Variants in RANBP2 observed in about 807,000 individuals in gnomAD.
The protein encoded by RANBP2 is RAN binding protein 2, also known as E3 SUMO-protein ligase RanBP2.
In RANBP2, 57 loss-of-function variants were observed where a neutral mutation model predicts 303.6. That is an observed-to-expected ratio of 0.19 (90% CI 0.15 to 0.23). The LOEUF (loss-of-function observed/expected upper bound fraction) is 0.23, where lower values mean the gene tolerates loss of function less well. RANBP2 is among the 10% of genes least tolerant of loss of function. The pLI is 1.00. For missense variants in RANBP2, 3,138 were observed against 3,780.8 expected, an observed-to-expected ratio of 0.83 and a Z score of 4.46; for synonymous variants, 1,167 against 1,301.5, an observed-to-expected ratio of 0.90 and a Z score of 2.23.
At chr2:109,614,572 G>C in the RANBP2 span, 1 of 1,376,048 alleles carries the variant, frequency 7.3e-7, no homozygotes, top group Non-Finnish European at 9.4e-7. Flanking sequence ...CGCGGGGGCC[G>C]GGCCCTGCAC....
At chr2:109,330,234 G>A in the RANBP2 span, among the ~76,000 whole-genome samples, 1 of 152,174 alleles carries the variant, frequency 6.6e-6, no homozygotes, top group African/African-American at 2.4e-5. Flanking sequence ...CCAACTCTGT[G>A]GGTTGCAGAA....
chr2:109,733,279 AAATC>A, the RANBP2 span: 1 of 290,704 alleles, frequency 3.4e-6, no homozygotes, highest in South Asian at 3.6e-5. Context: ...CAACAGAAGA[AAATC>A]AATCAATGTA....
the RANBP2 span, among the ~76,000 whole-genome samples, chr2:109,208,552 A>G: frequency 6.6e-6 from 1 of 152,200 alleles, no homozygotes; most frequent in African/African-American, 2.4e-5. Context: ...ACCAGCACCA[A>G]CCGACCCACC....
chr2:108,847,812 G>C, the RANBP2 span, among the ~76,000 whole-genome samples: 1 of 152,046 alleles, frequency 6.6e-6, no homozygotes, highest in African/African-American at 2.4e-5. Context: ...ACTCCCGATG[G>C]TATGGAATTG....
the RANBP2 span, among the ~76,000 whole-genome samples, chr2:109,155,419 C>T: frequency 1.2e-4 from 18 of 152,162 alleles, no homozygotes; most frequent in Non-Finnish European, 2.2e-4. Context: ...TCTCCTGCCT[C>T]GGCCTCCCGA....
chr2:109,368,356 T>C, the RANBP2 span, among the ~76,000 whole-genome samples: 1 of 152,228 alleles, frequency 6.6e-6, no homozygotes, highest in African/African-American at 2.4e-5. Flanking sequence ...TAAACATCTA[T>C]TCATATTTTC....
chr2:109,367,553 A>G, the RANBP2 span, among the ~76,000 whole-genome samples: 1 of 152,194 alleles, frequency 6.6e-6, no homozygotes, highest in African/African-American at 2.4e-5. Flanking sequence ...AAGTGCTGGG[A>G]TTACAGGCAT....
chr2:109,680,909 T>C, the RANBP2 span, among the ~76,000 whole-genome samples: 3 of 152,220 alleles, frequency 2.0e-5, no homozygotes, highest in Admixed American at 6.5e-5. Flanking sequence ...GTCAAACTTG[T>C]TGACATTATC....
the RANBP2 span, among the ~76,000 whole-genome samples, chr2:109,628,550 T>C: frequency 6.6e-6 from 1 of 150,518 alleles, no homozygotes; most frequent in South Asian, 2.1e-4. Context: ...AGATTCCCAC[T>C]ATTCCCAGTA....
chr2:109,130,571 G>T, the RANBP2 span, among the ~76,000 whole-genome samples: 1 of 152,114 alleles, frequency 6.6e-6, no homozygotes, highest in Non-Finnish European at 1.5e-5. Context: ...CTGCGGTGTG[G>T]CTAAGGAGGG....
At chr2:109,331,962 C>T in the RANBP2 span, among the ~76,000 whole-genome samples, 2 of 152,178 alleles carry the variant, frequency 1.3e-5, no homozygotes. Context: ...GATGGGTCTT[C>T]CTGGTGCTGT....
At chr2:109,385,163 C>G in the RANBP2 span, among the ~76,000 whole-genome samples, 2 of 152,246 alleles carry the variant, frequency 1.3e-5, no homozygotes, top group East Asian at 1.9e-4. Flanking sequence ...CTCTGGCTCT[C>G]TCTGTCACTC....
At chr2:109,437,556 C>T in the RANBP2 span, among the ~76,000 whole-genome samples, 3 of 152,228 alleles carry the variant, frequency 2.0e-5, no homozygotes, top group East Asian at 3.9e-4. Context: ...GGGCCGGCCA[C>T]GTGGGTCTTC....
At chr2:109,266,909 C>A in the RANBP2 span, among the ~76,000 whole-genome samples, 1 of 152,140 alleles carries the variant, frequency 6.6e-6, no homozygotes, top group African/African-American at 2.4e-5. Flanking sequence ...GATGTATGTC[C>A]CTGAGCAGGA....
the RANBP2 span, among the ~76,000 whole-genome samples, chr2:109,719,511 A>G: frequency 2.7e-5 from 4 of 150,922 alleles, no homozygotes; most frequent in Non-Finnish European, 5.9e-5. Flanking sequence ...GGTTCAAGCA[A>G]TTCTCCTGCC....
the RANBP2 span, among the ~76,000 whole-genome samples, chr2:109,382,076 G>A: frequency 4.6e-5 from 7 of 152,154 alleles, no homozygotes; most frequent in Admixed American, 4.6e-4. Flanking sequence ...TATGAGAAAG[G>A]GGTGTTTGTA....
chr2:109,318,878 G>C, the RANBP2 span, among the ~76,000 whole-genome samples: 1 of 152,370 alleles, frequency 6.6e-6, no homozygotes, highest in East Asian at 1.9e-4. Context: ...ACCAAAGCCA[G>C]CTGGAATTCC....
chr2:109,225,524 A>C, the RANBP2 span, among the ~76,000 whole-genome samples: 2 of 152,220 alleles, frequency 1.3e-5, no homozygotes, highest in Non-Finnish European at 2.9e-5. Flanking sequence ...CACACTCACC[A>C]TGTGGAGTTT....
chr2:109,223,858 G>A, the RANBP2 span, among the ~76,000 whole-genome samples: 163 of 152,336 alleles, frequency 1.1e-3, no homozygotes, highest in African/African-American at 3.7e-3. Flanking sequence ...GTAGCTGGAT[G>A]TGGTGGCACA....
Sources: allele counts gnomAD v4.1 joint callset (sites outside exome capture counted in the v4.1 genomes callset), GRCh38; gene constraint gnomAD v4.1.1; transcripts MANE v1.5; gene names NCBI Gene and HGNC (gene_info 2026-07-23, HGNC 2026-07-21).